Variants in CNTN1 observed in about 807,000 individuals in gnomAD.
CNTN1 encodes the protein contactin 1.
Under a neutral mutation model 126.4 loss-of-function variants are expected in CNTN1, and 38 were observed. The ratio of observed to expected loss-of-function variants is 0.30; its 90% CI spans 0.23 to 0.39. CNTN1 has a LOEUF of 0.39. Among genes scored for constraint, CNTN1 ranks in the 10% least tolerant of loss-of-function variants. The pLI is 1.00. For synonymous variants in CNTN1, 413 were observed against 422.6 expected (o/e 0.98, Z 0.28); for missense variants, 1,009 against 1,248.4 (o/e 0.81, Z 2.89).
At chr12:40,868,817 C>A (rs1943392147) in intron 1 of CNTN1, among the ~76,000 whole-genome samples, 1 of 152,066 alleles carries the variant, frequency 6.6e-6, no homozygotes, top group African/African-American at 2.4e-5. Flanking sequence ...CTCTTCCCAG[C>A]AGCTGTAACC....
intron 1 of CNTN1, among the ~76,000 whole-genome samples, chr12:40,885,213 A>G (rs1243760520): frequency 6.6e-6 from 1 of 151,844 alleles, no homozygotes. Context: ...CTTAACCTAC[A>G]TGACTCAGGT....
intron 23 of CNTN1, among the ~76,000 whole-genome samples, chr12:41,046,847 C>CTTTTT (rs56655599): frequency 2.4e-4 from 29 of 118,988 alleles, no homozygotes; most frequent in Non-Finnish European, 3.2e-4. Flanking sequence ...TTGCTTATTT[C>CTTTTT]TTTTTTTTTT....
intron 23 of CNTN1, among the ~76,000 whole-genome samples, chr12:41,032,390 G>GA (rs67561949): frequency 3.4e-5 from 5 of 148,068 alleles, no homozygotes; most frequent in African/African-American, 5.0e-5. Context: ...AAAAGAAAAA[G>GA]AAAAAAAAGA....
rs140862470 is a variant in CNTN1, at chr12:40,788,497, T to C, written c.-77+95905T>C. ...TCTCCTTTGCCTCATGGTGACCTAT[T>C]TGGGGCTCCTGATAGCCTTTCCTGC... On this transcript the variant is annotated intron_variant, in intron 1 of 23. Coordinates refer to ENST00000551295, the MANE Select transcript of CNTN1 (RefSeq NM_001843.4). Among the ~76,000 whole-genome samples the C allele has an allele frequency of 3.0e-4, 45 of 152,238 alleles. No individual in the cohort carries two copies. In the South Asian group the frequency reaches 3.1e-3, roughly 11 times the overall value.
chr12:40,849,023 G>C (rs968691042), intron 1 of CNTN1, among the ~76,000 whole-genome samples: 21 of 152,050 alleles, frequency 1.4e-4, no homozygotes, highest in African/African-American at 4.3e-4. Flanking sequence ...GAGTTAAAAG[G>C]ATCAATAAAT....
At chr12:40,891,351 A>C (rs983475492) in intron 1 of CNTN1, among the ~76,000 whole-genome samples, 1 of 151,992 alleles carries the variant, frequency 6.6e-6, no homozygotes, top group Non-Finnish European at 1.5e-5. Flanking sequence ...GCAGAGCAGG[A>C]ATTTTAAATT....
intron 1 of CNTN1, among the ~76,000 whole-genome samples, chr12:40,726,107 A>G (rs1942345652): frequency 6.6e-6 from 1 of 152,144 alleles, no homozygotes; most frequent in African/African-American, 2.4e-5. Context: ...GGAGGGGGAA[A>G]GAATGTGGCA....
intron 1 of CNTN1, among the ~76,000 whole-genome samples, chr12:40,891,817 A>C (rs1025480830): frequency 6.6e-6 from 1 of 151,974 alleles, no homozygotes; most frequent in African/African-American, 2.4e-5. Flanking sequence ...TTAAGTCTTG[A>C]GGTTGGACAG....
At chr12:40,718,381 GT>G (rs1314802814) in intron 1 of CNTN1, among the ~76,000 whole-genome samples, 2 of 151,756 alleles carry the variant, frequency 1.3e-5, no homozygotes, top group Non-Finnish European at 2.9e-5. Context: ...GGGTTTCGCC[GT>G]GTTGGCCAGG....
intron 11 of CNTN1, 78 bp from the exon 12 acceptor site, chr12:40,939,257 A>G: frequency 5.4e-6 from 8 of 1,489,506 alleles, no homozygotes; most frequent in East Asian, 2.3e-5. Flanking sequence ...TAAGGAGAAT[A>G]AAAGATTCTA....
At chr12:40,840,012 T>C (rs1942212507) in intron 1 of CNTN1, among the ~76,000 whole-genome samples, 2 of 152,064 alleles carry the variant, frequency 1.3e-5, no homozygotes, top group South Asian at 4.1e-4. Flanking sequence ...TAATCTTAAA[T>C]ATAAATGAAC....
chr12:40,948,091 A>T (rs1344610206), intron 14 of CNTN1, among the ~76,000 whole-genome samples: 1 of 151,876 alleles, frequency 6.6e-6, no homozygotes, highest in Admixed American at 6.6e-5. Context: ...CTGGGTTTGA[A>T]AAACTAGTTA....
intron 23 of CNTN1, among the ~76,000 whole-genome samples, chr12:41,051,237 T>G (rs1949671905): frequency 7.0e-6 from 1 of 142,872 alleles, no homozygotes; most frequent in South Asian, 2.3e-4. Flanking sequence ...AAGCTCTGCC[T>G]CCCAGGTTCA....
At chr12:40,911,171 C>T (rs1332248867) in intron 3 of CNTN1, among the ~76,000 whole-genome samples, 1 of 149,734 alleles carries the variant, frequency 6.7e-6, no homozygotes. Flanking sequence ...AGCTCCACCT[C>T]CGGGATTCAC....
At chr12:41,010,777 T>A (rs7968141) in intron 17 of CNTN1, among the ~76,000 whole-genome samples, 15,579 of 152,192 alleles carry the variant, frequency 0.1, 904 homozygotes, top group Non-Finnish European at 0.13. Flanking sequence ...ATTTTGCCCT[T>A]GCTCTTCATA....
chr12:40,993,957 A>G (rs1306689932), intron 17 of CNTN1, among the ~76,000 whole-genome samples: 9 of 152,154 alleles, frequency 5.9e-5, no homozygotes, highest in Admixed American at 5.9e-4. Flanking sequence ...TATGATCTTA[A>G]GTATAAATTA....
intron 1 of CNTN1, among the ~76,000 whole-genome samples, chr12:40,814,572 A>G (rs1382642485): frequency 6.6e-6 from 1 of 152,176 alleles, no homozygotes; most frequent in Non-Finnish European, 1.5e-5. Flanking sequence ...TTTTGGTACT[A>G]GTATCATGCT....
chr12:40,948,352 CA>C (rs202160837), intron 14 of CNTN1, among the ~76,000 whole-genome samples: 1,056 of 105,442 alleles, frequency 0.01, 1 homozygote, highest in African/African-American at 0.013. Flanking sequence ...AGACTGAGAC[CA>C]AAAAAAAAAA....
chr12:40,914,019 C>T (rs1319099849), intron 3 of CNTN1, among the ~76,000 whole-genome samples: 1 of 151,778 alleles, frequency 6.6e-6, no homozygotes, highest in Non-Finnish European at 1.5e-5. Context: ...TAACTTTGTG[C>T]TCCTTTTAAG....
Sources: allele counts gnomAD v4.1 joint callset (sites outside exome capture counted in the v4.1 genomes callset), GRCh38; gene constraint gnomAD v4.1.1; transcripts MANE v1.5; gene names NCBI Gene and HGNC (gene_info 2026-07-23, HGNC 2026-07-21).